Variants in PCDH7 observed in about 807,000 individuals in gnomAD.
The protein encoded by PCDH7 is protocadherin-7.
A neutral mutation model predicts 58.9 loss-of-function variants in PCDH7; 17 were observed. The observed-to-expected ratio is 0.29, with a 90% confidence interval of 0.20 to 0.43. The LOEUF (loss-of-function observed/expected upper bound fraction) is 0.43, where lower values mean the gene tolerates loss of function less well. PCDH7 is among the 20% of genes least tolerant of loss of function. PCDH7 has a pLI of 1.00. For missense variants in PCDH7, 1,274 were observed against 1,441.0 expected, an observed-to-expected ratio of 0.88 and a Z score of 1.88; for synonymous variants, 664 against 616.4, an observed-to-expected ratio of 1.08 and a Z score of -1.14.
chr4:30,935,601 A>G (rs1745247762), intron 2 of PCDH7, among the ~76,000 whole-genome samples: 1 of 152,144 alleles, frequency 6.6e-6, no homozygotes, highest in Non-Finnish European at 1.5e-5. Flanking sequence ...CCAGTAACTC[A>G]CAGAGATATT....
chr4:31,085,434 G>T (rs1363855220), intron 3 of PCDH7, among the ~76,000 whole-genome samples: 4 of 152,076 alleles, frequency 2.6e-5, no homozygotes. Flanking sequence ...CTAGTCCCCA[G>T]GCAAGAAGGA....
downstream of PCDH7, chr4:31,144,061 T>G (rs570616682): frequency 4.6e-5 from 7 of 152,326 alleles, no homozygotes; most frequent in East Asian, 1.4e-3. Flanking sequence ...CATTTTAGAA[T>G]CCAGGCTATG....
chr4:31,107,427 A>T (rs1715715777), intron 3 of PCDH7, among the ~76,000 whole-genome samples: 1 of 152,240 alleles, frequency 6.6e-6, no homozygotes, highest in East Asian at 1.9e-4. Context: ...ATATAATGAG[A>T]GTGAGAAAGC....
intron 3 of PCDH7, among the ~76,000 whole-genome samples, chr4:30,982,808 G>A (rs777281320): frequency 5.3e-5 from 8 of 152,030 alleles, no homozygotes; most frequent in Non-Finnish European, 1.0e-4. Context: ...TATCCAGAAC[G>A]GGAAGAACAC....
At chr4:31,020,375 C>G (rs543543643) in intron 3 of PCDH7, among the ~76,000 whole-genome samples, 1 of 152,150 alleles carries the variant, frequency 6.6e-6, no homozygotes, top group African/African-American at 2.4e-5. Context: ...CTCTCGCACG[C>G]GCGTGCACAT....
chr4:31,108,369 T>TAAAAAAAAAAAAAAAAAAAAAA (rs71190491), intron 3 of PCDH7, among the ~76,000 whole-genome samples: 6 of 60,068 alleles, frequency 1.0e-4, no homozygotes, highest in Non-Finnish European at 1.9e-4. Flanking sequence ...CAGCATACAG[T>TAAAAAAAAAAAAAAAAAAAAAA]AAAAAAAAAA....
At chr4:31,142,153 A>G (rs1720339225) in intron 3 of PCDH7, among the ~76,000 whole-genome samples, 2 of 152,092 alleles carry the variant, frequency 1.3e-5, no homozygotes, top group African/African-American at 2.4e-5. Flanking sequence ...AAATTTACCT[A>G]TGTATTTAGA....
chr4:30,777,042 A>G (rs1242222162), intron 1 of PCDH7, among the ~76,000 whole-genome samples: 1 of 152,168 alleles, frequency 6.6e-6, no homozygotes, highest in African/African-American at 2.4e-5. Context: ...GCTTTTAAGA[A>G]CAATGTAATC....
intron 3 of PCDH7, among the ~76,000 whole-genome samples, chr4:31,045,731 T>A (rs1756232347): frequency 6.6e-6 from 1 of 151,972 alleles, no homozygotes; most frequent in Admixed American, 6.6e-5. Context: ...CCCATCTACA[T>A]CCTTGCATTA....
intron 3 of PCDH7, among the ~76,000 whole-genome samples, chr4:30,962,623 C>T (rs1261840611): frequency 6.6e-6 from 1 of 151,414 alleles, no homozygotes; most frequent in Admixed American, 6.6e-5. Flanking sequence ...TCCATCTCTA[C>T]AAAAAATTAA....
At chr4:30,803,881 G>A (rs1238127523) in intron 1 of PCDH7, among the ~76,000 whole-genome samples, 2 of 152,204 alleles carry the variant, frequency 1.3e-5, no homozygotes, top group Non-Finnish European at 2.9e-5. Context: ...GGAAATCCAA[G>A]AGAATGTCCC....
At chr4:30,787,444 A>G (rs1207041815) in intron 1 of PCDH7, among the ~76,000 whole-genome samples, 3 of 152,092 alleles carry the variant, frequency 2.0e-5, no homozygotes, top group Non-Finnish European at 4.4e-5. Flanking sequence ...AAATTTAGGC[A>G]ATTATTACAC....
intron 3 of PCDH7, among the ~76,000 whole-genome samples, chr4:31,012,990 G>T (rs1374492836): frequency 2.0e-5 from 3 of 150,478 alleles, no homozygotes; most frequent in Middle Eastern, 6.8e-3. Flanking sequence ...GCCCAAGCCT[G>T]GGCAACAAAG....
Position 30,968,388 on chromosome 4 carries a change from A to ACACACAC in PCDH7, c.*7+18173_*7+18174insCACACAC, listed in dbSNP as rs778938945. Among the ~76,000 whole-genome samples the ACACACAC allele has an allele frequency of 9.3e-4, 51 of 54,560 alleles. 2 individuals carry two copies. The highest frequency in any genetic ancestry group is 6.4e-3 in the African/African-American group (50 of 7,824). 35.8% of individuals were successfully genotyped at this position (54,560 alleles called of 152,430 possible). On this transcript the variant is annotated intron_variant, in intron 3 of 3. Transcript: ENST00000509759. ...ATATATACACACACTATATATATATATATATATATATATATATATATATAT... is the reference window on the plus strand; with the variant it reads ...ATATATACACACACTATATATATATACACACACTATATATATATATATATATATATAT...
At chr4:31,051,560 T>C (rs1221571056) in intron 3 of PCDH7, among the ~76,000 whole-genome samples, 1 of 152,136 alleles carries the variant, frequency 6.6e-6, no homozygotes, top group Non-Finnish European at 1.5e-5. Flanking sequence ...TCTACAATTA[T>C]ATTACAGCTT....
chr4:30,830,494 T>C (rs1729635272), intron 1 of PCDH7, among the ~76,000 whole-genome samples: 1 of 152,122 alleles, frequency 6.6e-6, no homozygotes, highest in Admixed American at 6.6e-5. Flanking sequence ...CATGTTTTGT[T>C]ATTTTAGTTC....
chr4:30,857,220 A>G (rs752185511), intron 1 of PCDH7, among the ~76,000 whole-genome samples: 4 of 152,090 alleles, frequency 2.6e-5, no homozygotes, highest in Admixed American at 6.6e-5. Flanking sequence ...TTTAATAGGC[A>G]TATTTTAGAA....
At chr4:31,059,250 T>C (rs936564663) in intron 3 of PCDH7, among the ~76,000 whole-genome samples, 11 of 151,998 alleles carry the variant, frequency 7.2e-5, no homozygotes, top group African/African-American at 2.7e-4. Flanking sequence ...AGAAATGTTC[T>C]ATGAATGCTT....
downstream of PCDH7, among the ~76,000 whole-genome samples, chr4:30,737,350 ATATAT>A (rs1240199432): frequency 1.3e-5 from 2 of 152,126 alleles, no homozygotes; most frequent in African/African-American, 4.8e-5. Context: ...GGCGTTTTCA[ATATAT>A]TATATTTAAA....
Sources: allele counts gnomAD v4.1 joint callset (sites outside exome capture counted in the v4.1 genomes callset), GRCh38; gene constraint gnomAD v4.1.1; transcripts MANE v1.5; gene names NCBI Gene and HGNC (gene_info 2026-07-23, HGNC 2026-07-21).